MAGI1: variants seen among roughly 807,000 people sequenced by gnomAD.
The protein encoded by MAGI1 is membrane-associated guanylate kinase, WW and PDZ domain-containing protein 1.
Under a neutral mutation model 139.9 loss-of-function variants are expected in MAGI1, and 58 were observed. That is an observed-to-expected ratio of 0.41 (90% CI 0.34 to 0.52). MAGI1 has a LOEUF of 0.52. Ranked by LOEUF, MAGI1 falls within the 20% of genes least tolerant of loss-of-function variation. The pLI is 0.12. For missense variants in MAGI1, 1,874 were observed against 1,901.6 expected, an observed-to-expected ratio of 0.99 and a Z score of 0.27; for synonymous variants, 812 against 737.9, an observed-to-expected ratio of 1.10 and a Z score of -1.63.
At chr3:65,375,714 G>A (rs1330487035) in intron 18 of MAGI1, 31 bp downstream of exon 18, 2 of 1,499,174 alleles carry the variant, frequency 1.3e-6, no homozygotes, top group Non-Finnish European at 1.9e-6. Context: ...GAAAAAGAGA[G>A]AGAGAGAGAG....
intron 2 of MAGI1, among the ~76,000 whole-genome samples, chr3:65,529,985 G>C (rs961884701): frequency 3.9e-5 from 6 of 151,992 alleles, no homozygotes; most frequent in African/African-American, 1.4e-4. Context: ...ATGACTTTAA[G>C]TCCTCTCCAT....
intron 2 of MAGI1, among the ~76,000 whole-genome samples, chr3:65,526,461 C>T (rs997586464): frequency 5.9e-5 from 9 of 152,144 alleles, no homozygotes; most frequent in Admixed American, 1.3e-4. Context: ...TACCAAGCTG[C>T]CCAGAATTCT....
At chr3:65,500,742 C>A (rs1050803896) in intron 2 of MAGI1, among the ~76,000 whole-genome samples, 1 of 152,194 alleles carries the variant, frequency 6.6e-6, no homozygotes, top group African/African-American at 2.4e-5. Flanking sequence ...TATGGCCAGA[C>A]TGTTAAAGGA....
intron 1 of MAGI1, among the ~76,000 whole-genome samples, chr3:65,648,833 G>C (rs146496842): frequency 1.4e-3 from 218 of 152,248 alleles, no homozygotes; most frequent in South Asian, 0.012. Flanking sequence ...TTAAGACTAC[G>C]TGGTATTGAT....
chr3:65,894,868 G>A (rs1012131083), intron 1 of MAGI1, among the ~76,000 whole-genome samples: 1 of 152,080 alleles, frequency 6.6e-6, no homozygotes, highest in East Asian at 1.9e-4. Flanking sequence ...CTTTATTGCC[G>A]GCTGAGGCCA....
chr3:65,997,673 T>A (rs905241582), intron 1 of MAGI1, among the ~76,000 whole-genome samples: 4 of 150,610 alleles, frequency 2.7e-5, no homozygotes, highest in Non-Finnish European at 5.9e-5. Flanking sequence ...AAATATCATA[T>A]CCATGATGAA....
At chr3:66,032,796 A>G (rs1283003821) in intron 1 of MAGI1, among the ~76,000 whole-genome samples, 1 of 150,636 alleles carries the variant, frequency 6.6e-6, no homozygotes, top group Non-Finnish European at 1.5e-5. Context: ...CATGCCTATA[A>G]TGCCAGCTAC....
chr3:65,529,802 G>A (rs985055352), intron 2 of MAGI1, among the ~76,000 whole-genome samples: 3 of 152,220 alleles, frequency 2.0e-5, no homozygotes, highest in Middle Eastern at 3.4e-3. Context: ...ACATAAAAAT[G>A]TATATACACA....
intron 7 of MAGI1, 126 bp downstream of exon 7, chr3:65,447,896 A>T: frequency 9.1e-7 from 1 of 1,101,108 alleles, no homozygotes; most frequent in Non-Finnish European, 1.4e-6. Context: ...GATAAGCTAG[A>T]ATGAAAATCA....
At chr3:65,450,237 C>T (rs1948947328) in intron 6 of MAGI1, among the ~76,000 whole-genome samples, 1 of 152,088 alleles carries the variant, frequency 6.6e-6, no homozygotes, top group African/African-American at 2.4e-5. Flanking sequence ...CCTAAGCAGA[C>T]CCTGTGGAGG....
chr3:65,392,458 G>C (rs187066932), intron 13 of MAGI1, among the ~76,000 whole-genome samples: 36 of 152,124 alleles, frequency 2.4e-4, no homozygotes, highest in East Asian at 5.8e-4. Flanking sequence ...GACAGGAAAG[G>C]GCTCTCCATT....
intron 14 of MAGI1, among the ~76,000 whole-genome samples, chr3:65,387,973 G>A (rs1943587437): frequency 6.6e-6 from 1 of 152,154 alleles, no homozygotes; most frequent in Admixed American, 6.5e-5. Flanking sequence ...AATTTCTTTT[G>A]TAGTAAATGC....
chr3:65,980,961 C>A (rs1208515401), intron 1 of MAGI1, among the ~76,000 whole-genome samples: 1 of 151,974 alleles, frequency 6.6e-6, no homozygotes, highest in Admixed American at 6.6e-5. Flanking sequence ...GAGTTCGAGA[C>A]CAGCCTGGCC....
At chr3:66,021,415 T>C (rs948518305) in intron 1 of MAGI1, among the ~76,000 whole-genome samples, 1 of 152,184 alleles carries the variant, frequency 6.6e-6, no homozygotes, top group Non-Finnish European at 1.5e-5. Flanking sequence ...CACAAACACA[T>C]ATGCACACAC....
chr3:65,867,244 C>G (rs1289146618), intron 1 of MAGI1, among the ~76,000 whole-genome samples: 1 of 152,214 alleles, frequency 6.6e-6, no homozygotes, highest in African/African-American at 2.4e-5. Context: ...CAGTTTGCAA[C>G]CCCTGGGCTG....
chr3:65,388,194 G>A (rs1163811233), intron 14 of MAGI1, among the ~76,000 whole-genome samples: 1 of 152,134 alleles, frequency 6.6e-6, no homozygotes, highest in East Asian at 1.9e-4. Flanking sequence ...TTCTAATACT[G>A]CTGCCTTGAG....
intron 1 of MAGI1, among the ~76,000 whole-genome samples, chr3:65,988,917 T>A (rs1009210776): frequency 1.3e-5 from 2 of 152,194 alleles, no homozygotes; most frequent in East Asian, 3.8e-4. Context: ...AAAAATATAT[T>A]TTCTCATTCG....
chr3:65,909,587 T>C (rs188503381), intron 1 of MAGI1, among the ~76,000 whole-genome samples: 72 of 151,934 alleles, frequency 4.7e-4, no homozygotes, highest in African/African-American at 1.7e-3. Flanking sequence ...TCCCAACTAT[T>C]CAGGAGGCTG....
At chr3:65,592,070 G>A (rs532962372) in intron 2 of MAGI1, among the ~76,000 whole-genome samples, 54 of 152,116 alleles carry the variant, frequency 3.5e-4, no homozygotes, top group African/African-American at 1.3e-3. Context: ...ACCCTATAAG[G>A]GATCTTCATC....
Sources: gnomAD v4.1 joint callset for allele counts (sites outside exome capture counted in the v4.1 genomes callset) on GRCh38, gnomAD v4.1.1 for gene constraint, MANE v1.5 for transcripts, NCBI Gene and HGNC (gene_info 2026-07-23, HGNC 2026-07-21) for gene names.